Variants in SPTBN2 observed in about 807,000 individuals in gnomAD.
SPTBN2 encodes the protein spectrin beta chain, non-erythrocytic 2.
SPTBN2 carries 107 observed loss-of-function variants against 284.2 expected under a neutral mutation model. The observed-to-expected ratio is 0.38, with a 90% CI of 0.32 to 0.44. SPTBN2 has a LOEUF of 0.44. Among genes scored for constraint, SPTBN2 ranks in the 20% least tolerant of loss-of-function variants. The pLI is 1.00. For missense variants in SPTBN2, 2,569 were observed against 3,287.1 expected (o/e 0.78, Z 5.34); for synonymous variants, 1,289 against 1,354.8 (o/e 0.95, Z 1.07).
chr11:66,683,230 G>T lies in SPTBN2; in HGVS notation c.*2641C>A, dbSNP rs1939902329. Among the ~76,000 whole-genome samples the T allele has an allele frequency of 6.6e-6, 1 of 151,876 alleles. No individual in the cohort carries two copies. Among genetic ancestry groups the T allele is most frequent in the Non-Finnish European group, 1.5e-5 (1 of 67,980 alleles). On this transcript the variant is annotated 3_prime_UTR_variant, in exon 38 of 38. Coordinates refer to ENST00000533211, the MANE Select transcript of SPTBN2 (RefSeq NM_006946.4). ...CTACAGGCGCCCGCCACTACGCCCG[G>T]CTAATTTTTGTATTTTTAGTAGAGA...
At chr11:66,729,481 A>G (rs1055900492), upstream of SPTBN2, among the ~76,000 whole-genome samples, 7 of 152,136 alleles carry the variant, frequency 4.6e-5, no homozygotes, top group African/African-American at 1.7e-4. Flanking sequence ...ATGGGCTTTG[A>G]GTGAATTATT....
chr11:66,685,619 A>C lies in SPTBN2; in HGVS notation c.*252T>G. The stretch of plus-strand genomic sequence containing the variant: ...GGGACAGAGGCACGAGGCTGGGGAA[A>C]GGGGAGAAGTCGGCGGGGGTGGGAG... On this transcript the variant is annotated 3_prime_UTR_variant, in exon 38 of 38. Coordinates refer to ENST00000533211, the MANE Select transcript of SPTBN2 (RefSeq NM_006946.4). This position sits in a 1 kb window ranked among gnomAD's most constrained non-coding sequence, Gnocchi z 4.4. 1 of 480,628 alleles carries C rather than the reference A, an allele frequency of 2.1e-6. No homozygotes were observed. Among genetic ancestry groups the C allele is most frequent in the Non-Finnish European group, 3.7e-6 (1 of 266,886 alleles). 29.8% of individuals were successfully genotyped at this position (480,628 alleles called of 1,614,324 possible). A position where few individuals can be genotyped will look rare whatever the true frequency, so the allele number is the denominator to read the frequency against.
At chr11:66,701,340 T>C in intron 16 of SPTBN2, 58 bp from the exon 17 acceptor site, 1 of 1,594,470 alleles carries the variant, frequency 6.3e-7, no homozygotes, top group Non-Finnish European at 8.5e-7. Context: ...TGGAAGCTTC[T>C]TCCCTGCTTC....
intron 31 of SPTBN2, 122 bp from the exon 32 acceptor site, chr11:66,688,433 G>T: frequency 6.5e-7 from 1 of 1,531,640 alleles, no homozygotes; most frequent in South Asian, 1.2e-5. Context: ...AACAGAATTT[G>T]AGAAGATGGT....
Position 66,708,049 on chromosome 11 carries a change from T to C in SPTBN2, c.1350+92A>G. The C allele has an allele frequency of 6.3e-7, 1 of 1,587,304 alleles. No homozygotes were observed. Among genetic ancestry groups the C allele is most frequent in the Non-Finnish European group, 8.6e-7 (1 of 1,158,832 alleles). ...TTACCCAGGTGACGGATTTTGTGTT[T>C]CATTGTCTCTCCACCCCGCGGGGCT... On this transcript the variant is annotated intron_variant, in intron 12 of 37. Coordinates refer to ENST00000533211, the MANE Select transcript of SPTBN2 (RefSeq NM_006946.4). The surrounding 1 kb of genome is among the most constrained non-coding windows in gnomAD (Gnocchi z 4.4).
intron 14 of SPTBN2, 21 bp from the exon 15 acceptor site, chr11:66,705,489 G>T (rs767848060): frequency 3.7e-6 from 6 of 1,612,778 alleles, no homozygotes; most frequent in Admixed American, 1.7e-5. Flanking sequence ...CACAGGAGAG[G>T]GTCAGAGCCT....
rs1940254122 is a variant in SPTBN2 at position 66,687,935 on chromosome 11, C to CTG, written c.6451-19_6451-18dup. 6.2e-7 allele frequency: 1 copy of CTG among 1,614,212 alleles called. No homozygotes were observed. Among genetic ancestry groups the CTG allele is most frequent in the African/African-American group, 1.3e-5 (1 of 75,058 alleles). ...CAGCAGGGGCTGCAAGGACAAGAAT[C>CTG]TGTAAAAGGATGTGCGGGGGTGGAG... On this transcript the variant is annotated splice_polypyrimidine_tract_variant and intron_variant, in intron 33 of 37. Transcript: ENST00000533211. This position sits in a 1 kb window ranked among gnomAD's most constrained non-coding sequence, Gnocchi z 5.2.
intron 1 of SPTBN2, among the ~76,000 whole-genome samples, chr11:66,725,375 T>C (rs1590989352): frequency 1.3e-5 from 2 of 152,340 alleles, no homozygotes; most frequent in Middle Eastern, 3.4e-3. Context: ...TGTTCTCAGC[T>C]TGTGTCCCCT....
intron 8 of SPTBN2, among the ~76,000 whole-genome samples, chr11:66,711,947 C>G (rs1941885069): frequency 6.6e-6 from 1 of 152,164 alleles, no homozygotes; most frequent in African/African-American, 2.4e-5. Flanking sequence ...AGAAAATGGC[C>G]AAGACCAGTG....
In SPTBN2 at chr11:66,683,727, A is replaced by T. The variant is rs1939933496; in HGVS notation, c.*2144T>A. Among the ~76,000 whole-genome samples, 1 of 152,144 alleles carries T rather than the reference A, an allele frequency of 6.6e-6. No individual in the cohort carries two copies. Among genetic ancestry groups the T allele is most frequent in the Admixed American group, 6.5e-5 (1 of 15,282 alleles). On this transcript the variant is annotated 3_prime_UTR_variant, in exon 38 of 38. Coordinates refer to ENST00000533211, the MANE Select transcript of SPTBN2 (RefSeq NM_006946.4). ...ACTTACGTGTCGTGTTAAAATAATC[A>T]TTTCTCTATTAATTTCTCCATATAC...
Position 66,690,227 on chromosome 11 carries a change from CT to C in SPTBN2, c.5621del (p.Lys1874ArgfsTer46). ...GCATGTGGCGGCCGATCTCCTCAGC[CT>C]TGTCTCCAGCGTAGGCCTTCTGGAG... The part of the protein sequence containing the change: ...HRLQKAYAGD[K>X]AEEIGRHMQA... On this transcript the variant is annotated frameshift_variant, in exon 28 of 38. Coordinates refer to ENST00000533211, the MANE Select transcript of SPTBN2 (RefSeq NM_006946.4). LOFTEE classifies it high-confidence loss of function. 1 of 1,613,534 alleles carries C rather than the reference CT, an allele frequency of 6.2e-7. No homozygotes were observed. Among genetic ancestry groups the C allele is most frequent in the South Asian group, 1.1e-5 (1 of 91,044 alleles).
At chr11:66,713,850 G>A (rs975023391) in intron 7 of SPTBN2, 104 bp from the exon 8 acceptor site, 3 of 1,064,684 alleles carry the variant, frequency 2.8e-6, no homozygotes, top group East Asian at 2.4e-5. Context: ...ACCCAATTTT[G>A]TCCAGAAGTA....
chr11:66,709,424 C>T (rs1297646140), intron 10 of SPTBN2, among the ~76,000 whole-genome samples: 2 of 152,164 alleles, frequency 1.3e-5, no homozygotes, highest in Non-Finnish European at 2.9e-5. Flanking sequence ...GTGATCCACC[C>T]GCCTCAGTCT....
chr11:66,690,320 G>C (rs1565114469), intron 27 of SPTBN2, 37 bp from the exon 28 acceptor site: 1 of 1,555,338 alleles, frequency 6.4e-7, no homozygotes, highest in Non-Finnish European at 8.7e-7. Context: ...CAGAGCGGGG[G>C]ACTCCAAGGA....
chr11:66,703,324 C>T (rs534819133), intron 15 of SPTBN2, among the ~76,000 whole-genome samples: 2 of 152,256 alleles, frequency 1.3e-5, no homozygotes, highest in East Asian at 3.9e-4. Context: ...TCAAGTGATA[C>T]TCCTGCCTTG....
chr11:66,722,999 G>T (rs1388596423), intron 1 of SPTBN2, among the ~76,000 whole-genome samples: 1 of 151,478 alleles, frequency 6.6e-6, no homozygotes, highest in Non-Finnish European at 1.5e-5. Context: ...TGGGGGACAC[G>T]CTCTTAATCG....
chr11:66,707,993 T>C lies in SPTBN2; in HGVS notation c.1350+148A>G. The C allele has an allele frequency of 7.0e-7, 1 of 1,430,258 alleles. No individual in the cohort carries two copies. Among genetic ancestry groups the C allele is most frequent in the Non-Finnish European group, 9.7e-7 (1 of 1,035,166 alleles). The allele number at this position is 1,430,258 out of a possible 1,614,324, so 88.6% of individuals were successfully genotyped here. On this transcript the variant is annotated intron_variant, in intron 12 of 37. Coordinates refer to ENST00000533211, the MANE Select transcript of SPTBN2 (RefSeq NM_006946.4). This position sits in a 1 kb window ranked among gnomAD's most constrained non-coding sequence, Gnocchi z 4.9. ...CAACCCTCTCTCCTGTCCCACCCTC[T>C]GGCCCCTGGCTCCCGGACCTCTAGG...
At chr11:66,735,525 T>C (rs933385371) in intron 1 of SPTBN2, among the ~76,000 whole-genome samples, 1 of 151,932 alleles carries the variant, frequency 6.6e-6, no homozygotes. Context: ...GCTTGTGCAA[T>C]AATAGTGAGA....
chr11:66,705,815 A>G lies in SPTBN2; in HGVS notation c.1676T>C (p.Leu559Pro), dbSNP rs780084962. The change falls in exon 14 of 38, where the codon CTG (leucine) becomes CCG (proline). Residue 559 changes from leucine to proline, a missense_variant. By Grantham distance (98) the Leu-to-Pro change is moderately conservative. Around this residue, in one of 6 missense-constraint regions of SPTBN2, gnomAD observed 1,012 missense variants for 1,248.9 expected, o/e 0.81. Transcript: ENST00000533211. ...CTCCACTCCTGCTAGGTGCCTGCCC[A>G]GGTCCTGAGACTGCAGCCGGCCCTG... ...EMKGRLQSQD[L>P]GRHLAGVEDL... 2.4e-5 allele frequency: 39 copies of G among 1,612,378 alleles called. No homozygotes were observed. The African/African-American group carries it at 4.9e-4, about 20-fold the overall frequency.
Sources: gnomAD v4.1 joint callset for allele counts (sites outside exome capture counted in the v4.1 genomes callset) on GRCh38, gnomAD v4.1.1 for gene constraint, gnomAD v4.1.1 regional missense constraint, Gnocchi (gnomAD v3.1) non-coding constraint, MANE v1.5 for transcripts, NCBI Gene and HGNC (gene_info 2026-07-23, HGNC 2026-07-21) for gene names.